The following LRRC56 variants were observed in gnomAD, a reference collection of about 807,000 sequenced individuals.
LRRC56 encodes leucine-rich repeat-containing protein 56.
A neutral mutation model predicts 47.8 loss-of-function variants in LRRC56; 41 were observed. The ratio of observed to expected loss-of-function variants is 0.86; its 90% CI spans 0.67 to 1.11. LRRC56 has a LOEUF of 1.11. Ranked by LOEUF, LRRC56 falls within the 50% of genes most tolerant of loss-of-function variation. LRRC56 has a pLI of 0.00. For synonymous variants in LRRC56, 387 were observed against 311.2 expected (o/e 1.24, Z -2.56); for missense variants, 759 against 704.2 (o/e 1.08, Z -0.88).
chr11:533,545 G>C (rs397517139), upstream of LRRC56: 1 of 1,613,880 alleles, frequency 6.2e-7, no homozygotes, highest in Non-Finnish European at 8.5e-7. Context: ...CGTGCAGCCA[G>C]GTCACACTTG....
rs1851806054 is a variant in LRRC56 at position 541,749 on chromosome 11, G to A, written c.265+125G>A. On this transcript the variant is annotated intron_variant, in intron 5 of 13. Transcript: ENST00000270115. The surrounding 1 kb of genome is among the most constrained non-coding windows in gnomAD (Gnocchi z 4.1). ...TCGGGCCGCGTATCGGCTTCCTTAG[G>A]GTTGGCCTCTGACCTGAGGTCTGTG... The A allele has an allele frequency of 3.3e-6, 2 of 608,562 alleles. No homozygotes were observed. Among genetic ancestry groups the A allele is most frequent in the East Asian group, 3.3e-5 (1 of 30,518 alleles). 37.7% of individuals were successfully genotyped at this position (608,562 alleles called of 1,614,324 possible).
At chr11:544,332 A>C (rs964520366) in intron 5 of LRRC56, among the ~76,000 whole-genome samples, 4 of 152,196 alleles carry the variant, frequency 2.6e-5, no homozygotes, top group Non-Finnish European at 1.5e-5. Context: ...TCTCTGAGCC[A>C]ACTCTTGGAG....
chr11:533,718 G>A (rs374666128), upstream of LRRC56: 34 of 1,611,416 alleles, frequency 2.1e-5, no homozygotes, highest in African/African-American at 2.5e-4. Context: ...AGCCGGCCTG[G>A]CCCCACCTGT....
In LRRC56 at chr11:541,385, T is replaced by C; in HGVS notation, c.178-152T>C. On this transcript the variant is annotated intron_variant, in intron 4 of 13. Transcript: ENST00000270115. This position sits in a 1 kb window ranked among gnomAD's most constrained non-coding sequence, Gnocchi z 4.1. ...TCTGCTCCTGTCACATCCACTCCCA[T>C]CCCACCACCCAGGCCAGGGCCAACA... The C allele has an allele frequency of 2.2e-6, 1 of 459,100 alleles. No individual in the cohort carries two copies. Among genetic ancestry groups the C allele is most frequent in the Admixed American group, 4.2e-5 (1 of 23,990 alleles). 28.4% of individuals were successfully genotyped at this position (459,100 alleles called of 1,614,324 possible).
chr11:530,033 C>T, the LRRC56 span, among the ~76,000 whole-genome samples: 1 of 152,146 alleles, frequency 6.6e-6, no homozygotes. Context: ...AGGACACACC[C>T]CAGGTTGTCC....
Position 551,975 on chromosome 11 carries a change from C to T in LRRC56, c.1038+8C>T, listed in dbSNP as rs1393023597. 1.9e-6 allele frequency: 3 copies of T among 1,612,468 alleles called. No individual in the cohort carries two copies. The highest frequency in any genetic ancestry group is 2.7e-5 in the African/African-American group (2 of 74,938). ...CGTAGGCACCAGTGCCAGGTACAGC[C>T]CACAGGGACCAGCCCCCCACGAGAA... On this transcript the variant is annotated splice_region_variant and intron_variant, in intron 11 of 13. Transcript: ENST00000270115.
At chr11:538,114 A>G (rs1851611052) in intron 1 of LRRC56, among the ~76,000 whole-genome samples, 1 of 152,080 alleles carries the variant, frequency 6.6e-6, no homozygotes, top group African/African-American at 2.4e-5. Flanking sequence ...CCTGGGTGAG[A>G]ACACTAGGTG....
the LRRC56 span, among the ~76,000 whole-genome samples, chr11:518,303 T>TCC: frequency 6.6e-6 from 1 of 151,650 alleles, no homozygotes; most frequent in Non-Finnish European, 1.5e-5. Context: ...TGCCTCAGCC[T>TCC]TAGGAGTAGC....
At chr11:551,451 C>A in intron 9 of LRRC56, 149 bp downstream of exon 9, 1 of 802,388 alleles carries the variant, frequency 1.2e-6, no homozygotes, top group Non-Finnish European at 1.9e-6. Context: ...CACACCCGGC[C>A]CCAGGCCAGG....
the LRRC56 span, among the ~76,000 whole-genome samples, chr11:531,223 A>G: frequency 6.6e-6 from 1 of 152,016 alleles, no homozygotes; most frequent in Non-Finnish European, 1.5e-5. Flanking sequence ...TTCCCTGGAC[A>G]AAAGGGGGAG....
chr11:535,971 G>A (rs563300962), upstream of LRRC56, among the ~76,000 whole-genome samples: 2 of 152,324 alleles, frequency 1.3e-5, no homozygotes, highest in South Asian at 4.1e-4. Context: ...GGGGCTACGG[G>A]CTGGGGAAAG....
rs1217576192 is a variant in LRRC56 at position 554,834 on chromosome 11, CCAA to C, written c.*561_*563del. 1.6e-6 allele frequency: 1 copy of C among 618,504 alleles called. No individual in the cohort carries two copies. The highest frequency in any genetic ancestry group is 2.0e-5 in the African/African-American group (1 of 49,114). The allele number at this position is 618,504 out of a possible 1,614,324, so 38.3% of individuals were successfully genotyped here. On this transcript the variant is annotated 3_prime_UTR_variant, in exon 14 of 14. Coordinates refer to ENST00000270115, the MANE Select transcript of LRRC56 (RefSeq NM_198075.4). The stretch of plus-strand genomic sequence containing the variant: ...GGCGCAGGACGCCCCGGAACCCAAA[CCAA>C]CATTTCCAGCTCTCAGGTGTACAGA...
upstream of LRRC56, chr11:534,547 G>C (rs1379111991): frequency 6.7e-6 from 4 of 594,228 alleles, no homozygotes; most frequent in Non-Finnish European, 1.2e-5. Flanking sequence ...CGTGCGGGAG[G>C]GCTGTCGCCT....
the LRRC56 span, among the ~76,000 whole-genome samples, chr11:522,457 G>C: frequency 1.3e-5 from 2 of 152,068 alleles, no homozygotes; most frequent in Admixed American, 1.3e-4. Context: ...TAGTTGAGAC[G>C]GGGTTTCACT....
rs1851802545 is a variant in LRRC56 at position 541,675 on chromosome 11, G to A, written c.265+51G>A. On this transcript the variant is annotated intron_variant, in intron 5 of 13. Transcript: ENST00000270115. This position sits in a 1 kb window ranked among gnomAD's most constrained non-coding sequence, Gnocchi z 4.1. ...GCCACGGCCACGGCCACGCCTCCCT[G>A]TAAACAACACACGTTTCCTGGTTAT... is the stretch of plus-strand genomic sequence containing the variant. 2.6e-6 allele frequency: 3 copies of A among 1,144,966 alleles called. No individual in the cohort carries two copies. Among genetic ancestry groups the A allele is most frequent in the Admixed American group, 4.7e-5 (2 of 42,808 alleles). 70.9% of individuals were successfully genotyped at this position (1,144,966 alleles called of 1,614,324 possible).
chr11:550,405 C>A, intron 8 of LRRC56, 133 bp downstream of exon 8: 1 of 834,070 alleles, frequency 1.2e-6, no homozygotes, highest in African/African-American at 1.7e-5. Context: ...ACCATGAGTT[C>A]ACCTCCTCTG....
Position 552,638 on chromosome 11 carries a change from C to T in LRRC56, c.1251C>T (p.Val417=), listed in dbSNP as rs1179160682. 1 of 1,611,476 alleles carries T rather than the reference C, an allele frequency of 6.2e-7. No homozygotes were observed. The highest frequency in any genetic ancestry group is 1.3e-5 in the African/African-American group (1 of 75,026). The part of the protein sequence containing the change: ...GAVAPWGPRR[V]PEEQVHQAEP... ...TAGCCCCCTGGGGCCCACGGAGGGT[C>T]CCTGAAGAGCAAGTGCACCAGGCAG... Residue 417 remains valine, a synonymous_variant, in exon 13 of 14, where the codon GTC becomes GTT. Coordinates refer to ENST00000270115, the MANE Select transcript of LRRC56 (RefSeq NM_198075.4).
rs536625408 is a variant in LRRC56, at chr11:553,093, G to A, written c.1315+391G>A. Among the ~76,000 whole-genome samples, 6 of 152,376 alleles carry A rather than the reference G, an allele frequency of 3.9e-5. No individual in the cohort carries two copies. In the South Asian group the frequency reaches 1.2e-3, roughly 32 times the overall value. On this transcript the variant is annotated intron_variant, in intron 13 of 13. Transcript: ENST00000270115. ...ACACAGGCATGAGTCCGGGGGCTGGGAGGAAAGGCGGCCAGCAGCCCCACT... is the reference window on the plus strand; with the variant it reads ...ACACAGGCATGAGTCCGGGGGCTGGAAGGAAAGGCGGCCAGCAGCCCCACT...
chr11:525,613 G>A, the LRRC56 span, among the ~76,000 whole-genome samples: 1 of 151,870 alleles, frequency 6.6e-6, no homozygotes, highest in Non-Finnish European at 1.5e-5. Context: ...AATGAACAAA[G>A]GGCTGGGTGA....
Sources: gnomAD v4.1 joint callset for allele counts (sites outside exome capture counted in the v4.1 genomes callset) on GRCh38, gnomAD v4.1.1 for gene constraint, Gnocchi (gnomAD v3.1) non-coding constraint, MANE v1.5 for transcripts, NCBI Gene and HGNC (gene_info 2026-07-23, HGNC 2026-07-21) for gene names.